The following UGT1A8 variants were observed in gnomAD, a reference collection of about 807,000 sequenced individuals.
UGT1A8 encodes UDP glucuronosyltransferase family 1 member A8.
In UGT1A8, 39 loss-of-function variants were observed where a neutral mutation model predicts 45.3. The observed-to-expected ratio is 0.86, with a 90% CI of 0.67 to 1.12. UGT1A8 has a LOEUF of 1.12. Among genes scored for constraint, UGT1A8 ranks in the 50% most tolerant of loss-of-function variants. The pLI is 0.00. For missense variants in UGT1A8, 719 were observed against 664.9 expected, an observed-to-expected ratio of 1.08 and a Z score of -0.90; for synonymous variants, 275 against 249.2, an observed-to-expected ratio of 1.10 and a Z score of -0.97.
chr2:233,717,706 G>A (rs578061394), intron 1 of UGT1A8: 10 of 451,154 alleles, frequency 2.2e-5, no homozygotes, highest in African/African-American at 4.0e-5. Context: ...GGAGCAGGAC[G>A]AGCCTCATGG....
intron 1 of UGT1A8, among the ~76,000 whole-genome samples, chr2:233,687,285 A>G (rs114020285): frequency 2.4e-3 from 373 of 152,280 alleles, no homozygotes; most frequent in Non-Finnish European, 3.5e-3. Flanking sequence ...TCTTCAGAAC[A>G]ACATGGTGAG....
intron 1 of UGT1A8, chr2:233,729,068 A>C: frequency 6.2e-7 from 1 of 1,611,394 alleles, no homozygotes. Context: ...AGATGAAGAA[A>C]GCAAATGTAG....
At chr2:233,625,854 G>A (rs1008820817) in intron 1 of UGT1A8, among the ~76,000 whole-genome samples, 11 of 151,990 alleles carry the variant, frequency 7.2e-5, no homozygotes, top group Middle Eastern at 3.4e-3. Flanking sequence ...CTTGGGTGAT[G>A]GGAGCAATCA....
intron 1 of UGT1A8, among the ~76,000 whole-genome samples, chr2:233,698,540 G>A (rs2075446584): frequency 1.3e-5 from 2 of 152,274 alleles, no homozygotes; most frequent in African/African-American, 4.8e-5. Flanking sequence ...AACAGAACAC[G>A]AGTGGCCAAC....
chr2:233,690,652 C>T (rs1304778494), intron 1 of UGT1A8: 3 of 1,283,146 alleles, frequency 2.3e-6, no homozygotes, highest in Admixed American at 4.7e-5. Flanking sequence ...TTGACTCCTA[C>T]AGCACCAACC....
chr2:233,671,936 T>C lies in UGT1A8; in HGVS notation c.855+53374T>C, dbSNP rs766754822. On this transcript the variant is annotated intron_variant, in intron 1 of 4. Coordinates refer to ENST00000373450, the MANE Select transcript of UGT1A8 (RefSeq NM_019076.5). ...CTTGCTCTCAGCTGCAGTTCTCTGATGGCTTGCACAGGGTGGACCAGCCCC... is the reference window on the plus strand; with the variant it reads ...CTTGCTCTCAGCTGCAGTTCTCTGACGGCTTGCACAGGGTGGACCAGCCCC... 12 of 1,605,090 alleles carry C rather than the reference T, an allele frequency of 7.5e-6. No individual in the cohort carries two copies. In the South Asian group the frequency reaches 1.1e-4, roughly 15 times the overall value.
chr2:233,762,837 TAGGC>T (rs1698177979), intron 1 of UGT1A8, among the ~76,000 whole-genome samples: 1 of 152,150 alleles, frequency 6.6e-6, no homozygotes, highest in South Asian at 2.1e-4. Context: ...TAAAAAATAA[TAGGC>T]AGTCATTTGC....
chr2:233,748,190 C>T (rs1370576625), intron 1 of UGT1A8: 2 of 1,559,306 alleles, frequency 1.3e-6, no homozygotes, highest in South Asian at 1.2e-5. Flanking sequence ...GCTTTTATTT[C>T]TGCTTGTCGT....
intron 1 of UGT1A8, among the ~76,000 whole-genome samples, chr2:233,669,648 A>T (rs886486299): frequency 7.9e-5 from 12 of 152,166 alleles, no homozygotes; most frequent in Admixed American, 3.3e-4. Context: ...ACCCCCGAGC[A>T]GTAAAAAATT....
chr2:233,740,554 T>C (rs983150710), intron 1 of UGT1A8: 2 of 151,778 alleles, frequency 1.3e-5, no homozygotes, highest in African/African-American at 4.9e-5. Context: ...CCAGAAAAAA[T>C]GTCCGGCATT....
intron 1 of UGT1A8, chr2:233,755,026 G>A (rs776900288): frequency 1.5e-6 from 2 of 1,306,986 alleles, no homozygotes; most frequent in Non-Finnish European, 2.1e-6. Context: ...TCCTTGAAGG[G>A]CCTGCCGCCT....
intron 1 of UGT1A8, among the ~76,000 whole-genome samples, chr2:233,695,994 A>G (rs1020897173): frequency 6.6e-6 from 1 of 152,182 alleles, no homozygotes; most frequent in Admixed American, 6.5e-5. Flanking sequence ...CCACCTGAAG[A>G]TAGCATCAGG....
chr2:233,682,021 G>C, intron 1 of UGT1A8: 2 of 1,614,150 alleles, frequency 1.2e-6, no homozygotes, highest in Non-Finnish European at 1.7e-6. Flanking sequence ...CAGGGAAGCT[G>C]CTGGTAGTGC....
chr2:233,677,311 C>T (rs2074387124), intron 1 of UGT1A8, among the ~76,000 whole-genome samples: 1 of 152,062 alleles, frequency 6.6e-6, no homozygotes, highest in South Asian at 2.1e-4. Flanking sequence ...ATCCAGTTTT[C>T]AAGTGTTCAT....
At chr2:233,720,871 A>AT (rs60621337) in intron 1 of UGT1A8, among the ~76,000 whole-genome samples, 4,423 of 132,758 alleles carry the variant, frequency 0.033, 90 homozygotes, top group Middle Eastern at 0.07. Context: ...GCTCCTGGCA[A>AT]TTTTTTTTTT....
chr2:233,727,679 G>C lies in UGT1A8; in HGVS notation c.856-39355G>C, dbSNP rs376074254. Among the ~76,000 whole-genome samples, 5 of 152,276 alleles carry C rather than the reference G, an allele frequency of 3.3e-5. No homozygotes were observed. The East Asian group carries it at 7.7e-4, about 24-fold the overall frequency. The stretch of plus-strand genomic sequence containing the variant: ...TGCTCTATGTCCTTACAAATTCCCA[G>C]GAATCATCCTCTACTGGACAGTTCC... On this transcript the variant is annotated intron_variant, in intron 1 of 4. Coordinates refer to ENST00000373450, the MANE Select transcript of UGT1A8 (RefSeq NM_019076.5).
At chr2:233,630,191 AG>A (rs1196955904) in intron 1 of UGT1A8, among the ~76,000 whole-genome samples, 1 of 152,096 alleles carries the variant, frequency 6.6e-6, no homozygotes, top group African/African-American at 2.4e-5. Context: ...CAGGGGAGGT[AG>A]ATCACTGACC....
At chr2:233,635,981 A>C (rs1389871182) in intron 1 of UGT1A8, among the ~76,000 whole-genome samples, 1 of 150,956 alleles carries the variant, frequency 6.6e-6, no homozygotes, top group Non-Finnish European at 1.5e-5. Flanking sequence ...TTGGATATGG[A>C]AGAAGACAAC....
chr2:233,729,060 A>G (rs1266592558), intron 1 of UGT1A8: 4 of 1,610,542 alleles, frequency 2.5e-6, no homozygotes, highest in Non-Finnish European at 3.4e-6. Flanking sequence ...GGTAATTAAG[A>G]TGAAGAAAGC....
Sources: allele counts gnomAD v4.1 joint callset (sites outside exome capture counted in the v4.1 genomes callset), GRCh38; gene constraint gnomAD v4.1.1; transcripts MANE v1.5; gene names NCBI Gene and HGNC (gene_info 2026-07-23, HGNC 2026-07-21).